Variants in AXIN2 observed in about 807,000 individuals in gnomAD.
The protein encoded by AXIN2 is axin 2.
A neutral mutation model predicts 74.7 loss-of-function variants in AXIN2; 21 were observed. The ratio of observed to expected loss-of-function variants is 0.28; its 90% confidence interval spans 0.20 to 0.40. The LOEUF (loss-of-function observed/expected upper bound fraction) is 0.40, where lower values mean the gene tolerates loss of function less well. Ranked by LOEUF, AXIN2 falls within the 10% of genes least tolerant of loss-of-function variation. The pLI, the probability that AXIN2 is intolerant of heterozygous loss-of-function variation, is 1.00. For synonymous variants in AXIN2, 532 were observed against 454.9 expected (o/e 1.17, Z -2.16); for missense variants, 1,144 against 1,111.1 (o/e 1.03, Z -0.42).
At chr17:65,532,854 ACT>A (rs2043847190) in intron 10 of AXIN2, among the ~76,000 whole-genome samples, 1 of 152,118 alleles carries the variant, frequency 6.6e-6, no homozygotes, top group Non-Finnish European at 1.5e-5. Context: ...AGGAGTTGGA[ACT>A]CTGTCTTGGG....
At chr17:65,536,828 C>T (rs770690724) in intron 7 of AXIN2, 41 bp downstream of exon 7, 9 of 1,611,440 alleles carry the variant, frequency 5.6e-6, no homozygotes, top group East Asian at 2.2e-5. Flanking sequence ...TACTGAGTGC[C>T]CATGACCCTC....
At chr17:65,541,350 C>T (rs2144498864) in intron 4 of AXIN2, 105 bp downstream of exon 4, 2 of 1,075,214 alleles carry the variant, frequency 1.9e-6, no homozygotes, top group Admixed American at 3.5e-5. Context: ...AGGTACTGCT[C>T]TTTTCTACCT....
Position 65,550,212 on chromosome 17 carries a change from C to A in AXIN2, c.816-552G>T, listed in dbSNP as rs1337809275. Among the ~76,000 whole-genome samples the A allele has an allele frequency of 2.6e-5, 4 of 152,294 alleles. No individual in the cohort carries two copies. The South Asian group carries it at 6.2e-4, about 24-fold the overall frequency. On this transcript the variant is annotated intron_variant, in intron 2 of 10. Transcript: ENST00000307078. ...GACCCTGGGCCCACAGTGAGCTGGA[C>A]AGACGGGACAGAAAAGTTCAAGACA...
chr17:65,533,244 G>T (rs920910031), intron 10 of AXIN2, among the ~76,000 whole-genome samples: 2 of 152,216 alleles, frequency 1.3e-5, no homozygotes, highest in Non-Finnish European at 2.9e-5. Context: ...GGAGAAGGCA[G>T]CGGGGCCCAG....
At position 65,557,842 on chromosome 17, in the gene AXIN2, C is replaced by T; in HGVS notation, c.779G>A (p.Ser260Asn). 1 of 1,614,224 alleles carries T rather than the reference C, an allele frequency of 6.2e-7. No homozygotes were observed. Among genetic ancestry groups the T allele is most frequent in the Non-Finnish European group, 8.5e-7 (1 of 1,180,048 alleles). Residue 260 changes from serine (S) to asparagine (N), a missense_variant, in exon 2 of 11, where the codon AGT (serine) becomes AAT (asparagine). Ser to Asn is a conservative substitution (Grantham distance 46). Transcript: ENST00000307078. Reference protein sequence around the residue: ...LSSKTLRATASVRSTETVDSG... With the variant: ...LSSKTLRATANVRSTETVDSG... The stretch of plus-strand genomic sequence containing the variant: ...GTCAACAGTTTCCGTGGACCTCACA[C>T]TCGCCGTGGCCCTCAGAGTTTTGCT...
At position 65,541,192 on chromosome 17, in the gene AXIN2, T is replaced by G. The variant is rs140231884; in HGVS notation, c.1059+263A>C. ...TGTGCCCAGCCGTAAACCTCTTCTTTTTATAAATTACTCAACCTCAGGTAT... is the reference window on the plus strand; with the variant it reads ...TGTGCCCAGCCGTAAACCTCTTCTTGTTATAAATTACTCAACCTCAGGTAT... On this transcript the variant is annotated intron_variant, in intron 4 of 10. Transcript: ENST00000307078. 5.3e-5 allele frequency among the ~76,000 whole-genome samples: 8 copies of G among 152,304 alleles called. 1 individual carries two copies. The East Asian group carries it at 1.5e-3, about 29-fold the overall frequency.
In AXIN2 at chr17:65,558,461, T is replaced by C; in HGVS notation, c.160A>G (p.Asn54Asp). The C allele has an allele frequency of 6.2e-7, 1 of 1,603,590 alleles. No homozygotes were observed. The highest frequency in any genetic ancestry group is 1.1e-5 in the South Asian group (1 of 89,920). ...AACCCATCTTCGTTCCGCCTGGTGTTGGAAGAGACAGGCATGGGTTTGGTG... is the reference window on the plus strand; with the variant it reads ...AACCCATCTTCGTTCCGCCTGGTGTCGGAAGAGACAGGCATGGGTTTGGTG... ...QVTKPMPVSSNTRRNEDGLGE... is the reference protein window; with the variant it reads ...QVTKPMPVSSDTRRNEDGLGE... The change falls in exon 2 of 11, where the codon AAC becomes GAC. Residue 54 changes from asparagine to aspartate, a missense_variant. Asn to Asp is a conservative substitution (Grantham distance 23, BLOSUM62 1). Coordinates refer to ENST00000307078, the MANE Select transcript of AXIN2 (RefSeq NM_004655.4).
chr17:65,529,825 T>A lies in AXIN2; in HGVS notation c.*151A>T. ...CATGAAAATCAACCTCCCCCCGCCC[T>A]CCCGAAGGCCCACTGGCCGATTCTT... On this transcript the variant is annotated 3_prime_UTR_variant, in exon 11 of 11. Transcript: ENST00000307078. The A allele has an allele frequency of 7.8e-7, 1 of 1,281,784 alleles. No homozygotes were observed. The highest frequency in any genetic ancestry group is 1.1e-6 in the Non-Finnish European group (1 of 908,942). The allele number at this position is 1,281,784 out of a possible 1,614,324, so 79.4% of individuals were successfully genotyped here.
At chr17:65,556,489 G>A (rs1298330547) in intron 2 of AXIN2, among the ~76,000 whole-genome samples, 3 of 152,176 alleles carry the variant, frequency 2.0e-5, no homozygotes, top group African/African-American at 7.2e-5. Flanking sequence ...CCTGGAACCT[G>A]TGTTTCCTTG....
At chr17:65,534,225 A>T in intron 9 of AXIN2, 146 bp from the exon 10 acceptor site, 1 of 982,214 alleles carries the variant, frequency 1.0e-6, no homozygotes, top group Non-Finnish European at 1.6e-6. Flanking sequence ...GGGCTGGGGC[A>T]GAGCCCCACA....
intron 10 of AXIN2, among the ~76,000 whole-genome samples, chr17:65,531,595 G>A (rs968366224): frequency 1.3e-5 from 2 of 152,026 alleles, no homozygotes; most frequent in African/African-American, 4.8e-5. Context: ...TTACCAAGTT[G>A]GGCTTTCACA....
intron 5 of AXIN2, 167 bp downstream of exon 5, chr17:65,538,009 TATGCACACCCACACGCAACCCATGCAC>T (rs2043969313): frequency 1.5e-6 from 2 of 1,320,790 alleles, no homozygotes; most frequent in East Asian, 2.5e-5. Flanking sequence ...TCCACACGCA[TATGCACACCCACACGCAACCCATGCAC>T]ATGCGCACAC....
In AXIN2 at chr17:65,529,974, G is replaced by A. The variant is rs2144390399; in HGVS notation, c.*2C>T. 6.2e-7 allele frequency: 1 copy of A among 1,614,140 alleles called. No homozygotes were observed. The highest frequency in any genetic ancestry group is 8.5e-7 in the Non-Finnish European group (1 of 1,180,016). On this transcript the variant is annotated 3_prime_UTR_variant, in exon 11 of 11. Transcript: ENST00000307078. ...CAGTTCACCAAAGCCAGACCCCAGG[G>A]CTCAATCGATCCGCTCCACTTTGCC...
At chr17:65,560,225 G>C (rs2044343437) in intron 1 of AXIN2, 1 of 152,326 alleles carries the variant, frequency 6.6e-6, no homozygotes, top group Non-Finnish European at 1.5e-5. Flanking sequence ...CCGCAAAAGG[G>C]GCCGGGGCGG....
In AXIN2 at chr17:65,537,621, T is replaced by C. The variant is rs749012756; in HGVS notation, c.1415A>G (p.His472Arg). The C allele has an allele frequency of 1.3e-5, 20 of 1,593,952 alleles. No individual in the cohort carries two copies. Among genetic ancestry groups the C allele is most frequent in the Non-Finnish European group, 1.6e-5 (19 of 1,172,538 alleles). ...CAGGGAGTGGTACTGCGAATGGTGG[T>C]GGTGGTGGTGGTCCGGGGAGCGGGA... ...PRSRSPDHHH[H>R]HHSQYHSLLP... The change falls in exon 6 of 11, where the codon CAC (histidine) becomes CGC (arginine). Residue 472 changes from histidine to arginine, a missense_variant. Transcript: ENST00000307078.
At chr17:65,541,619 G>A in intron 3 of AXIN2, 62 bp from the exon 4 acceptor site, 1 of 1,352,552 alleles carries the variant, frequency 7.4e-7, no homozygotes, top group Non-Finnish European at 1.1e-6. Flanking sequence ...ACATCACATG[G>A]GCTACTGTCA....
Position 65,538,163 on chromosome 17 carries a change from GC to G in AXIN2, c.1200+39del, listed in dbSNP as rs775361721. 55 of 1,613,730 alleles carry G rather than the reference GC, an allele frequency of 3.4e-5. 1 individual carries two copies. The South Asian group carries it at 5.6e-4, about 16-fold the overall frequency. On this transcript the variant is annotated intron_variant, in intron 5 of 10. Coordinates refer to ENST00000307078, the MANE Select transcript of AXIN2 (RefSeq NM_004655.4). ...TGCGCATACACATACGAGCGCTCAC[GC>G]CGTGGACGGAAGCAGGAAGAAGGCC...
intron 1 of AXIN2, chr17:65,560,229 G>GGGGCGGCCACGGGCGAGGGGCCC (rs1296998547): frequency 1.3e-5 from 2 of 152,324 alleles, no homozygotes; most frequent in East Asian, 3.9e-4. Flanking sequence ...AAAAGGGGCC[G>GGGGCGGCCACGGGCGAGGGGCCC]GGGCGGCCAC....
At chr17:65,561,299 C>A (rs982628875) in intron 1 of AXIN2, 151 bp downstream of exon 1, 51 of 145,942 alleles carry the variant, frequency 3.5e-4, no homozygotes, top group Admixed American at 1.2e-3. Flanking sequence ...GCAGGGCCGC[C>A]CCGCCCGCGC....
Sources: gnomAD v4.1 joint callset for allele counts (sites outside exome capture counted in the v4.1 genomes callset) on GRCh38, gnomAD v4.1.1 for gene constraint, MANE v1.5 for transcripts, NCBI Gene and HGNC (gene_info 2026-07-23, HGNC 2026-07-21) for gene names.